The following NTNG1 variants were observed in gnomAD, a reference collection of about 807,000 sequenced individuals.
NTNG1 encodes the protein netrin-G1.
NTNG1 carries 16 observed loss-of-function variants against 54.0 expected under a neutral mutation model. The ratio of observed to expected loss-of-function variants is 0.30; its 90% CI spans 0.20 to 0.45. The LOEUF (loss-of-function observed/expected upper bound fraction) is 0.45, where lower values mean the gene tolerates loss of function less well. Among genes scored for constraint, NTNG1 ranks in the 20% least tolerant of loss-of-function variants. The pLI is 1.00. For synonymous variants in NTNG1, 255 were observed against 263.1 expected (o/e 0.97, Z 0.30); for missense variants, 530 against 678.7 (o/e 0.78, Z 2.43).
chr1:107,197,915 G>C (rs1658457857), intron 2 of NTNG1, among the ~76,000 whole-genome samples: 2 of 151,846 alleles, frequency 1.3e-5, no homozygotes, highest in African/African-American at 2.4e-5. Context: ...ATTAAATTGG[G>C]TCACTTAATG....
At chr1:107,471,230 T>C (rs1233554259) in intron 7 of NTNG1, among the ~76,000 whole-genome samples, 9 of 152,192 alleles carry the variant, frequency 5.9e-5, no homozygotes, top group Non-Finnish European at 1.3e-4. Flanking sequence ...TTCCACATTG[T>C]TCCCTATAGC....
intron 3 of NTNG1, among the ~76,000 whole-genome samples, chr1:107,393,190 C>A (rs968995126): frequency 6.6e-6 from 1 of 152,162 alleles, no homozygotes; most frequent in African/African-American, 2.4e-5. Flanking sequence ...CATTCTTGAT[C>A]TTCACGCAGG....
At chr1:107,423,919 A>C (rs1339080692) in intron 5 of NTNG1, among the ~76,000 whole-genome samples, 2 of 152,092 alleles carry the variant, frequency 1.3e-5, no homozygotes, top group African/African-American at 4.8e-5. Flanking sequence ...CCCCAAAGGA[A>C]GGGGTCTCAG....
In NTNG1 at chr1:107,324,452, C is replaced by CA; in HGVS notation, c.421dup (p.Thr141AsnfsTer3). The CA allele has an allele frequency of 6.2e-7, 1 of 1,613,838 alleles. No homozygotes were observed. On this transcript the variant is annotated frameshift_variant, in exon 3 of 8. Coordinates refer to ENST00000370068, the MANE Select transcript of NTNG1 (RefSeq NM_001113226.3). LOFTEE classifies it high-confidence loss of function. ...AGGTTAACATCACTCTGTCTTGGAG[C>CA]AAAACCATTGAGCTAACAGACAACA...
intron 3 of NTNG1, among the ~76,000 whole-genome samples, chr1:107,373,523 G>A (rs1030420477): frequency 1.4e-5 from 2 of 145,710 alleles, no homozygotes; most frequent in African/African-American, 5.1e-5. Context: ...ACCATTTCTT[G>A]TTCTCTTCAT....
chr1:107,242,783 A>G (rs1431786266), intron 2 of NTNG1, among the ~76,000 whole-genome samples: 1 of 152,180 alleles, frequency 6.6e-6, no homozygotes, highest in Non-Finnish European at 1.5e-5. Context: ...GAGCTCACTG[A>G]GCTGCCGAAG....
chr1:107,149,121 AG>A (rs1654362495), intron 2 of NTNG1, among the ~76,000 whole-genome samples: 1 of 152,160 alleles, frequency 6.6e-6, no homozygotes, highest in South Asian at 2.1e-4. Context: ...TAAAAGAAAA[AG>A]TTCGATTGAA....
intron 7 of NTNG1, chr1:107,460,253 T>G: frequency 4.9e-6 from 2 of 410,772 alleles, no homozygotes; most frequent in Non-Finnish European, 9.7e-6. Context: ...GCCTGCACAG[T>G]GCCGAACTGA....
intron 7 of NTNG1, among the ~76,000 whole-genome samples, chr1:107,457,660 A>G (rs1367410917): frequency 2.6e-5 from 4 of 152,118 alleles, no homozygotes; most frequent in African/African-American, 9.7e-5. Context: ...TAAGTTTTTT[A>G]TAACAAGAAA....
At chr1:107,450,101 A>G (rs1422736308) in intron 7 of NTNG1, among the ~76,000 whole-genome samples, 1 of 152,148 alleles carries the variant, frequency 6.6e-6, no homozygotes, top group Non-Finnish European at 1.5e-5. Flanking sequence ...GAATAGAACT[A>G]GAAAAATATA....
At chr1:107,239,370 G>C (rs1218707947) in intron 2 of NTNG1, among the ~76,000 whole-genome samples, 1 of 152,186 alleles carries the variant, frequency 6.6e-6, no homozygotes, top group Non-Finnish European at 1.5e-5. Context: ...GGAAATGAAT[G>C]GGTGGGACAG....
chr1:107,428,724 T>C (rs771417873), intron 5 of NTNG1, among the ~76,000 whole-genome samples: 1 of 152,100 alleles, frequency 6.6e-6, no homozygotes, highest in East Asian at 1.9e-4. Flanking sequence ...TGAAAGATTG[T>C]CTTTATTTCA....
chr1:107,209,856 A>G (rs1175468619), intron 2 of NTNG1, among the ~76,000 whole-genome samples: 1 of 151,906 alleles, frequency 6.6e-6, no homozygotes, highest in East Asian at 1.9e-4. Flanking sequence ...GCCTGAAGTC[A>G]GGTCCATCAC....
At chr1:107,164,540 C>T (rs962709265) in intron 2 of NTNG1, among the ~76,000 whole-genome samples, 8 of 152,140 alleles carry the variant, frequency 5.3e-5, no homozygotes, top group Middle Eastern at 3.4e-3. Flanking sequence ...GAGCTCATAG[C>T]GAAAGCAGAG....
chr1:107,190,221 T>C (rs911013635), intron 2 of NTNG1, among the ~76,000 whole-genome samples: 8 of 152,104 alleles, frequency 5.3e-5, no homozygotes, highest in Non-Finnish European at 1.2e-4. Flanking sequence ...AAATAACGTT[T>C]CGGAGAAGGA....
Position 107,304,226 on chromosome 1 carries a change from T to A in NTNG1, c.247-20056T>A, listed in dbSNP as rs551837813. Among the ~76,000 whole-genome samples the A allele has an allele frequency of 5.3e-5, 8 of 152,192 alleles. No homozygotes were observed. In the East Asian group the frequency reaches 9.6e-4, roughly 18 times the overall value. On this transcript the variant is annotated intron_variant, in intron 2 of 7. Transcript: ENST00000370068. ...TTTTCTTTCTGGCATTTTAAAATAATTTTTTTCTTTATTCTCTAGGATATG... is the reference window on the plus strand; with the variant it reads ...TTTTCTTTCTGGCATTTTAAAATAAATTTTTTCTTTATTCTCTAGGATATG...
intron 2 of NTNG1, among the ~76,000 whole-genome samples, chr1:107,207,711 A>C (rs2101348634): frequency 6.6e-6 from 1 of 152,306 alleles, no homozygotes; most frequent in Middle Eastern, 3.4e-3. Flanking sequence ...AACAGTTATG[A>C]TGATTCACGT....
intron 7 of NTNG1, among the ~76,000 whole-genome samples, chr1:107,468,941 C>A (rs1677782767): frequency 6.6e-6 from 1 of 151,972 alleles, no homozygotes; most frequent in Non-Finnish European, 1.5e-5. Flanking sequence ...ACTAAAACTA[C>A]AAAAATTAGC....
At chr1:107,269,563 T>G (rs1664000889) in intron 2 of NTNG1, among the ~76,000 whole-genome samples, 2 of 152,208 alleles carry the variant, frequency 1.3e-5, no homozygotes, top group African/African-American at 4.8e-5. Context: ...ATCATTTGTC[T>G]TTATCCCCAA....
Sources: allele counts gnomAD v4.1 joint callset (sites outside exome capture counted in the v4.1 genomes callset), GRCh38; gene constraint gnomAD v4.1.1; transcripts MANE v1.5; gene names NCBI Gene and HGNC (gene_info 2026-07-23, HGNC 2026-07-21).